Variants in PTPRA observed in about 807,000 individuals in gnomAD.
PTPRA encodes receptor-type tyrosine-protein phosphatase alpha.
Under a neutral mutation model 104.8 loss-of-function variants are expected in PTPRA, and 25 were observed. That is an observed-to-expected ratio of 0.24 (90% confidence interval 0.17 to 0.33). The LOEUF (loss-of-function observed/expected upper bound fraction) is 0.33. Among genes scored for constraint, PTPRA ranks in the 10% least tolerant of loss-of-function variants. The probability of loss-of-function intolerance (pLI) is 1.00; values close to 1 mark genes in which losing one functional copy is unlikely to be tolerated. For missense variants in PTPRA, 765 were observed against 1,015.3 expected (o/e 0.75, Z 3.35); for synonymous variants, 323 against 368.9 (o/e 0.88, Z 1.43).
intron 5 of PTPRA, among the ~76,000 whole-genome samples, chr20:2,971,701 G>A (rs1426836633): frequency 6.6e-6 from 1 of 152,128 alleles, no homozygotes. Flanking sequence ...ATTTTATTGT[G>A]TTCAGGATTT....
chr20:2,910,247 A>T (rs1568649679), intron 1 of PTPRA, among the ~76,000 whole-genome samples: 1 of 99,530 alleles, frequency 1.0e-5, no homozygotes, highest in Non-Finnish European at 2.0e-5. Context: ...TATTATATAT[A>T]ATATATATAT....
Position 3,007,421 on chromosome 20 carries a change from G to GT in PTPRA, c.906+2dup. ...TTACATCAATGCTTCATTCATCAAC[G>GT]TAAGGATCGGGTGCTTTCCCTGTCA... On this transcript the variant is annotated splice_donor_variant, in intron 11 of 23. Transcript: ENST00000399903. LOFTEE classifies it high-confidence loss of function. 6.2e-7 allele frequency: 1 copy of GT among 1,613,364 alleles called. No individual in the cohort carries two copies. Among genetic ancestry groups the GT allele is most frequent in the Non-Finnish European group, 8.5e-7 (1 of 1,179,322 alleles).
intron 9 of PTPRA, among the ~76,000 whole-genome samples, chr20:3,000,432 G>C (rs926685457): frequency 6.6e-6 from 1 of 152,174 alleles, no homozygotes; most frequent in African/African-American, 2.4e-5. Context: ...CACAAAGTCT[G>C]ACAGTAGCAA....
chr20:2,904,149 C>T (rs1050327575), intron 1 of PTPRA, among the ~76,000 whole-genome samples: 2 of 152,016 alleles, frequency 1.3e-5, no homozygotes, highest in African/African-American at 2.4e-5. Context: ...CTCCTGGGCT[C>T]AAGTGATCTT....
chr20:2,988,641 A>G (rs1256949941), intron 9 of PTPRA, among the ~76,000 whole-genome samples, 167 bp downstream of exon 9: 1 of 152,236 alleles, frequency 6.6e-6, no homozygotes, highest in Non-Finnish European at 1.5e-5. Flanking sequence ...TGGATAGGAA[A>G]TGAAGTGAGA....
At chr20:2,969,978 T>TAATAAATAAATAAATA (rs111309365) in intron 5 of PTPRA, among the ~76,000 whole-genome samples, 11,554 of 149,964 alleles carry the variant, frequency 0.077, 1,282 homozygotes, top group African/African-American at 0.24. Flanking sequence ...TCTAAATAAA[T>TAATAAATAAATAAATA]AATAAATAAA....
the PTPRA span, chr20:2,864,877 G>A: frequency 6.6e-7 from 1 of 1,523,432 alleles, no homozygotes; most frequent in Non-Finnish European, 9.0e-7. The surrounding 1 kb of genome is among the most constrained non-coding windows in gnomAD (Gnocchi z 5.2). Context: ...GCTGACCCTG[G>A]CGACCCTGGG....
chr20:2,886,097 G>T (rs1360131179), intron 1 of PTPRA, among the ~76,000 whole-genome samples: 1 of 152,060 alleles, frequency 6.6e-6, no homozygotes, highest in African/African-American at 2.4e-5. Flanking sequence ...CATATTAATT[G>T]AACATAAGTA....
At chr20:3,031,338 C>T (rs964932002) in intron 20 of PTPRA, among the ~76,000 whole-genome samples, 1 of 151,620 alleles carries the variant, frequency 6.6e-6, no homozygotes, top group Non-Finnish European at 1.5e-5. Context: ...GAGGCCGTAA[C>T]GTGAACACAC....
chr20:2,949,736 A>G (rs1197746886), intron 3 of PTPRA, among the ~76,000 whole-genome samples: 1 of 151,666 alleles, frequency 6.6e-6, no homozygotes, highest in Non-Finnish European at 1.5e-5. Context: ...TTTTTTAAAT[A>G]GTAACTTTTA....
Position 2,923,276 on chromosome 20 carries a change from A to G in PTPRA, c.-59A>G, listed in dbSNP as rs915836039. The G allele has an allele frequency of 1.6e-6, 2 of 1,287,050 alleles. No individual in the cohort carries two copies. Among genetic ancestry groups the G allele is most frequent in the African/African-American group, 3.0e-5 (2 of 65,738 alleles). 79.7% of individuals were successfully genotyped at this position (1,287,050 alleles called of 1,614,324 possible). On this transcript the variant is annotated 5_prime_UTR_variant, in exon 2 of 24. Coordinates refer to ENST00000399903, the MANE Select transcript of PTPRA (RefSeq NM_001385305.1). The stretch of plus-strand genomic sequence containing the variant: ...GAGTGGTAATGGATGATGCAGTTCA[A>G]ATAACTAAGGTAAGAGAAATAAAAC...
intron 3 of PTPRA, among the ~76,000 whole-genome samples, chr20:2,954,970 G>A (rs1335578383): frequency 6.6e-6 from 1 of 152,112 alleles, no homozygotes; most frequent in Non-Finnish European, 1.5e-5. Flanking sequence ...AATTGCTTTT[G>A]CAACTTTTAT....
rs2065883201 is a variant in PTPRA at position 3,037,911 on chromosome 20, G to A, written c.2335-148G>A. 3.0e-6 allele frequency: 2 copies of A among 676,322 alleles called. No individual in the cohort carries two copies. Among genetic ancestry groups the A allele is most frequent in the Non-Finnish European group, 2.6e-6 (1 of 387,874 alleles). 41.9% of individuals were successfully genotyped at this position (676,322 alleles called of 1,614,324 possible). ...GAAGGGGAATGCTGTCAGAACTCTG[G>A]CAGGCAGATCAGAGCTCAGGTGAAA... On this transcript the variant is annotated intron_variant, in intron 23 of 23. Transcript: ENST00000399903. This position sits in a 1 kb window ranked among gnomAD's most constrained non-coding sequence, Gnocchi z 4.3.
intron 6 of PTPRA, 148 bp from the exon 7 acceptor site, chr20:2,986,617 C>A (rs1051854586): frequency 1.4e-6 from 1 of 704,280 alleles, no homozygotes; most frequent in East Asian, 2.7e-5. Context: ...GGGAGGTGCA[C>A]ACTCATACTT....
Position 3,038,420 on chromosome 20 carries a change from C to A in PTPRA, c.*287C>A. On this transcript the variant is annotated 3_prime_UTR_variant, in exon 24 of 24. Transcript: ENST00000399903. ...TTGTGCTTTGGTTAATACATCTTTC[C>A]CTAAAGAAGATAAACACAAAATCCA... The A allele has an allele frequency of 3.2e-6, 1 of 315,462 alleles. No homozygotes were observed. The highest frequency in any genetic ancestry group is 6.0e-6 in the Non-Finnish European group (1 of 167,948). 19.5% of individuals were successfully genotyped at this position (315,462 alleles called of 1,614,324 possible). A position where few individuals can be genotyped will look rare whatever the true frequency, so the allele number is the denominator to read the frequency against.
intron 20 of PTPRA, 32 bp downstream of exon 20, chr20:3,027,873 CAG>C: frequency 1.2e-6 from 2 of 1,609,010 alleles, no homozygotes; most frequent in Non-Finnish European, 1.7e-6. Flanking sequence ...TGGTGAGAGA[CAG>C]AGACAGCATG....
intron 2 of PTPRA, among the ~76,000 whole-genome samples, chr20:2,930,898 C>T (rs2060479726): frequency 6.6e-6 from 1 of 152,104 alleles, no homozygotes; most frequent in Non-Finnish European, 1.5e-5. Flanking sequence ...TGAAGCATTT[C>T]CTATATATCA....
At position 2,930,274 on chromosome 20, in the gene PTPRA, G is replaced by T. The variant is rs568585998; in HGVS notation, c.-50+6989G>T. 9.2e-5 allele frequency among the ~76,000 whole-genome samples: 14 copies of T among 152,218 alleles called. No individual in the cohort carries two copies. In the East Asian group the frequency reaches 2.7e-3, roughly 29 times the overall value. On this transcript the variant is annotated intron_variant, in intron 2 of 23. Coordinates refer to ENST00000399903, the MANE Select transcript of PTPRA (RefSeq NM_001385305.1). ...GAAGCATCGAGACAAAGTAAAATAC[G>T]AGCTGGCCACTAACATATGGTATGA...
At chr20:2,918,773 A>G (rs891467495) in intron 1 of PTPRA, among the ~76,000 whole-genome samples, 1 of 152,222 alleles carries the variant, frequency 6.6e-6, no homozygotes, top group Non-Finnish European at 1.5e-5. Flanking sequence ...GTTGACATAC[A>G]TGAATTATAG....
Sources: gnomAD v4.1 joint callset for allele counts (sites outside exome capture counted in the v4.1 genomes callset) on GRCh38, gnomAD v4.1.1 for gene constraint, Gnocchi (gnomAD v3.1) non-coding constraint, MANE v1.5 for transcripts, NCBI Gene and HGNC (gene_info 2026-07-23, HGNC 2026-07-21) for gene names.